The following EXOC4 variants were observed in gnomAD, a reference collection of about 807,000 sequenced individuals.
EXOC4 encodes exocyst complex component 4.
EXOC4 carries 71 observed loss-of-function variants against 107.2 expected under a neutral mutation model. The ratio of observed to expected loss-of-function variants is 0.66; its 90% CI spans 0.55 to 0.81. The LOEUF (loss-of-function observed/expected upper bound fraction) is 0.81, where lower values mean the gene tolerates loss of function less well. Among genes scored for constraint, EXOC4 ranks in the 30% least tolerant of loss-of-function variants. EXOC4 has a pLI of 0.00. For missense variants in EXOC4, 1,108 were observed against 1,189.6 expected (o/e 0.93, Z 1.01); for synonymous variants, 456 against 441.2 (o/e 1.03, Z -0.42).
chr7:133,358,852 T>C lies in EXOC4; in HGVS notation c.1007+2279T>C, dbSNP rs1302776233. 3.3e-5 allele frequency among the ~76,000 whole-genome samples: 5 copies of C among 152,146 alleles called. No individual in the cohort carries two copies. In the East Asian group the frequency reaches 7.7e-4, roughly 24 times the overall value. ...GGAAATTATAGCACTAGAAGTATAATAGAAATTCAGCACACTGCCCTGGGA... is the reference window on the plus strand; with the variant it reads ...GGAAATTATAGCACTAGAAGTATAACAGAAATTCAGCACACTGCCCTGGGA... On this transcript the variant is annotated intron_variant, in intron 6 of 17. Coordinates refer to ENST00000253861, the MANE Select transcript of EXOC4 (RefSeq NM_021807.4).
At chr7:133,595,580 T>TATGTGC (rs1801648885) in intron 9 of EXOC4, among the ~76,000 whole-genome samples, 1 of 152,214 alleles carries the variant, frequency 6.6e-6, no homozygotes. Flanking sequence ...CTGAGCACTT[T>TATGTGC]ATGTGCATGA....
chr7:133,444,232 A>G (rs1277735051), intron 7 of EXOC4, among the ~76,000 whole-genome samples: 1 of 152,228 alleles, frequency 6.6e-6, no homozygotes, highest in Non-Finnish European at 1.5e-5. Flanking sequence ...AGCCAGCAGA[A>G]TGGACCAAGG....
At chr7:133,313,707 A>C (rs1021373789) in intron 4 of EXOC4, among the ~76,000 whole-genome samples, 2 of 152,190 alleles carry the variant, frequency 1.3e-5, no homozygotes, top group Non-Finnish European at 2.9e-5. Context: ...GAAATCTTGA[A>C]ATCTAACATT....
At chr7:133,739,930 C>CT (rs1795530173) in intron 10 of EXOC4, among the ~76,000 whole-genome samples, 4 of 152,090 alleles carry the variant, frequency 2.6e-5, no homozygotes, top group Admixed American at 2.6e-4. Flanking sequence ...ATTATTGTTA[C>CT]TGTGGGGCTG....
chr7:133,999,876 C>T (rs1794491930), intron 15 of EXOC4, among the ~76,000 whole-genome samples: 1 of 152,146 alleles, frequency 6.6e-6, no homozygotes, highest in African/African-American at 2.4e-5. Flanking sequence ...TGGCAATACT[C>T]TTCTTAATAC....
chr7:133,711,027 C>G (rs186627663), intron 10 of EXOC4, among the ~76,000 whole-genome samples: 31 of 152,162 alleles, frequency 2.0e-4, no homozygotes, highest in Admixed American at 1.6e-3. Context: ...TGATACACCA[C>G]ACCGTCCCCA....
At chr7:134,024,241 G>A (rs555174791) in intron 17 of EXOC4, among the ~76,000 whole-genome samples, 6 of 152,286 alleles carry the variant, frequency 3.9e-5, no homozygotes, top group African/African-American at 1.4e-4. Context: ...ACGAAGTCAG[G>A]AGATCGAGAC....
chr7:133,542,071 T>C (rs1800391100), intron 9 of EXOC4, among the ~76,000 whole-genome samples: 1 of 152,092 alleles, frequency 6.6e-6, no homozygotes, highest in Non-Finnish European at 1.5e-5. Flanking sequence ...TTTGAAGCAA[T>C]GTGTGTACAG....
intron 11 of EXOC4, among the ~76,000 whole-genome samples, chr7:133,893,945 C>G (rs1193245760): frequency 1.1e-5 from 1 of 89,296 alleles, no homozygotes; most frequent in Non-Finnish European, 2.0e-5. Flanking sequence ...GTGGCGTTCT[C>G]TGTATTTCCT....
At chr7:133,628,579 A>G (rs182698762) in intron 9 of EXOC4, among the ~76,000 whole-genome samples, 198 of 152,340 alleles carry the variant, frequency 1.3e-3, no homozygotes, top group Middle Eastern at 3.4e-3. Flanking sequence ...GGCAAGAAAC[A>G]TAAGTGGGGG....
At chr7:133,387,838 T>G in intron 7 of EXOC4, among the ~76,000 whole-genome samples, 1 of 152,074 alleles carries the variant, frequency 6.6e-6, no homozygotes, top group East Asian at 1.9e-4. Flanking sequence ...AGAGAAGACC[T>G]TGGAAGGCTG....
chr7:133,702,068 T>A (rs1302341901), intron 10 of EXOC4, among the ~76,000 whole-genome samples: 1 of 149,388 alleles, frequency 6.7e-6, no homozygotes, highest in Non-Finnish European at 1.5e-5. Flanking sequence ...TGTGGTGATC[T>A]TGGCTCACTG....
chr7:134,076,352 C>A, the EXOC4 span, among the ~76,000 whole-genome samples: 3 of 152,108 alleles, frequency 2.0e-5, no homozygotes, highest in Non-Finnish European at 4.4e-5. Context: ...CCCGTCTCTA[C>A]TAAAAATACA....
At chr7:133,634,624 G>C (rs1340580459) in intron 10 of EXOC4, among the ~76,000 whole-genome samples, 2 of 152,146 alleles carry the variant, frequency 1.3e-5, no homozygotes, top group Non-Finnish European at 1.5e-5. Context: ...CAGATAGCTG[G>C]GGTTACAGGC....
chr7:133,289,227 G>T, intron 3 of EXOC4, 111 bp downstream of exon 3: 8 of 842,980 alleles, frequency 9.5e-6, no homozygotes, highest in South Asian at 4.2e-5. Flanking sequence ...TGCCCTCTTG[G>T]GATTCATGAG....
chr7:133,632,365 A>T (rs539110187), intron 10 of EXOC4, among the ~76,000 whole-genome samples: 1 of 152,196 alleles, frequency 6.6e-6, no homozygotes, highest in South Asian at 2.1e-4. Context: ...TGTATCTCTT[A>T]ATGGAAATCC....
intron 9 of EXOC4, among the ~76,000 whole-genome samples, chr7:133,566,911 A>G (rs1800917312): frequency 6.6e-6 from 1 of 152,178 alleles, no homozygotes; most frequent in South Asian, 2.1e-4. Context: ...GAATATCTCA[A>G]ACAATGAACC....
At chr7:133,323,220 T>C (rs10274895) in intron 5 of EXOC4, among the ~76,000 whole-genome samples, 2 of 151,984 alleles carry the variant, frequency 1.3e-5, no homozygotes, top group African/African-American at 4.9e-5. Flanking sequence ...TCTTGCCTGA[T>C]TGCCCTGGCC....
chr7:133,659,809 C>T (rs1803396022), intron 10 of EXOC4, among the ~76,000 whole-genome samples: 1 of 152,200 alleles, frequency 6.6e-6, no homozygotes, highest in East Asian at 1.9e-4. Context: ...CTTTCCATTA[C>T]ATACACAGAT....
Sources: gnomAD v4.1 joint callset for allele counts (sites outside exome capture counted in the v4.1 genomes callset) on GRCh38, gnomAD v4.1.1 for gene constraint, MANE v1.5 for transcripts, NCBI Gene and HGNC (gene_info 2026-07-23, HGNC 2026-07-21) for gene names.